The following MRPL58 variants were observed in gnomAD, a reference collection of about 807,000 sequenced individuals.
MRPL58 encodes the protein mitochondrial ribosomal protein L58.
In MRPL58, 17 loss-of-function variants were observed where a neutral mutation model predicts 26.0. The observed-to-expected ratio is 0.65, with a 90% CI of 0.45 to 0.98. The LOEUF (loss-of-function observed/expected upper bound fraction) is 0.98. Ranked by LOEUF, MRPL58 falls within the 50% of genes least tolerant of loss-of-function variation. The pLI is 0.00. For synonymous variants in MRPL58, 100 were observed against 99.7 expected (o/e 1.00, Z -0.02); for missense variants, 250 against 269.0 (o/e 0.93, Z 0.49).
At chr17:75,020,841 G>A (rs958115896) in intron 5 of MRPL58, 80 bp from the exon 6 acceptor site, 48 of 1,301,028 alleles carry the variant, frequency 3.7e-5, no homozygotes, top group Middle Eastern at 1.8e-4. Context: ...TCGGCTTCCC[G>A]TTGAGCTCCC....
At position 75,020,948 on chromosome 17, in the gene MRPL58, G is replaced by A. The variant is rs758158924; in HGVS notation, c.564G>A (p.Leu188=). 1 of 1,613,986 alleles carries A rather than the reference G, an allele frequency of 6.2e-7. No homozygotes were observed. Among genetic ancestry groups the A allele is most frequent in the South Asian group, 1.1e-5 (1 of 91,076 alleles). Reference sequence around the variant, plus strand: ...TAGAAAACATGAATCGGGAAAGGCTGAGACAAAAGAGAATTCATTCTGCTG... The same window carrying A: ...TAGAAAACATGAATCGGGAAAGGCTAAGACAAAAGAGAATTCATTCTGCTG... The part of the protein sequence containing the change: ...IRIENMNRER[L]RQKRIHSAVK... Residue 188 remains leucine (L), a synonymous_variant, in exon 6 of 6, where the codon CTG becomes CTA. Coordinates refer to ENST00000301585, the MANE Select transcript of MRPL58 (RefSeq NM_001545.3).
chr17:75,019,280 C>T (rs777782448), intron 2 of MRPL58, among the ~76,000 whole-genome samples: 1 of 152,102 alleles, frequency 6.6e-6, no homozygotes, highest in African/African-American at 2.4e-5. Context: ...GGCAGTAGCT[C>T]GGTAGTAGCT....
At chr17:75,020,171 A>G (rs906600448) in intron 3 of MRPL58, 142 bp from the exon 4 acceptor site, 9 of 680,322 alleles carry the variant, frequency 1.3e-5, no homozygotes, top group African/African-American at 9.1e-5. Context: ...GGGCTTGTTC[A>G]TAGCCAACTT....
chr17:75,014,504 C>T (rs1343784729), intron 1 of MRPL58, among the ~76,000 whole-genome samples: 130 of 130,046 alleles, frequency 1.0e-3, no homozygotes, highest in Admixed American at 3.0e-3. Flanking sequence ...AGTGCAGTGG[C>T]GTGATCTCAG....
intron 1 of MRPL58, among the ~76,000 whole-genome samples, chr17:75,014,178 CCTTTTTT>C (rs2039955264): frequency 2.4e-5 from 3 of 126,690 alleles, no homozygotes; most frequent in African/African-American, 8.9e-5. Context: ...AAGTCTGGGG[CCTTTTTT>C]TTTTTTTTTT....
At chr17:75,020,290 T>C in intron 3 of MRPL58, 23 bp from the exon 4 acceptor site, 2 of 1,600,416 alleles carry the variant, frequency 1.2e-6, no homozygotes, top group Non-Finnish European at 1.7e-6. Flanking sequence ...GCACCCATGC[T>C]CCCTTCTCCC....
At chr17:75,014,352 ATT>A (rs35954769) in intron 1 of MRPL58, among the ~76,000 whole-genome samples, 11 of 113,274 alleles carry the variant, frequency 9.7e-5, no homozygotes, top group Admixed American at 9.0e-5. Flanking sequence ...CAACCGGCTA[ATT>A]TTTTTTTTTT....
At position 75,020,658 on chromosome 17, in the gene MRPL58, G is replaced by A. The variant is rs1264018720; in HGVS notation, c.536+1G>A. 1 of 1,613,856 alleles carries A rather than the reference G, an allele frequency of 6.2e-7. No homozygotes were observed. Among genetic ancestry groups the A allele is most frequent in the African/African-American group, 1.3e-5 (1 of 75,020 alleles). ...AAGATGTTAAACTTCATAGAATCAGGTACCAGGAAATGCCCTAAGATGCTA... is the reference window on the plus strand; with the variant it reads ...AAGATGTTAAACTTCATAGAATCAGATACCAGGAAATGCCCTAAGATGCTA... On this transcript the variant is annotated splice_donor_variant, in intron 5 of 5. Transcript: ENST00000301585. LOFTEE classifies it high-confidence loss of function.
chr17:75,012,848 C>A lies in MRPL58; in HGVS notation c.162C>A (p.Gly54=). The change falls in exon 1 of 6, where the codon GGC becomes GGA. Residue 54 remains glycine, a synonymous_variant. Coordinates refer to ENST00000301585, the MANE Select transcript of MRPL58 (RefSeq NM_001545.3). The stretch of plus-strand genomic sequence containing the variant: ...ACAAGCTCTACCCCGAATCTCAGGG[C>A]TCGGACACCGCCTGGAGGGTCCCGG... ...SLDKLYPESQ[G]SDTAWRVPNG... 1 of 1,611,834 alleles carries A rather than the reference C, an allele frequency of 6.2e-7. No homozygotes were observed. Among genetic ancestry groups the A allele is most frequent in the Non-Finnish European group, 8.5e-7 (1 of 1,179,434 alleles).
chr17:75,015,687 G>C (rs79030290), intron 1 of MRPL58, among the ~76,000 whole-genome samples: 1 of 152,082 alleles, frequency 6.6e-6, no homozygotes, highest in South Asian at 2.1e-4. Flanking sequence ...CAGGAAGGAG[G>C]GTGTGGCCCA....
At position 75,020,930 on chromosome 17, in the gene MRPL58, C is replaced by G. The variant is rs1481587004; in HGVS notation, c.546C>G (p.Asn182Lys). Residue 182 changes from asparagine to lysine, a missense_variant, in exon 6 of 6, where the codon AAC becomes AAG. Coordinates refer to ENST00000301585, the MANE Select transcript of MRPL58 (RefSeq NM_001545.3). The part of the protein sequence containing the change: ...DVKLHRIRIE[N>K]MNRERLRQKR... ...GTCTTTTTGTTTTCAGGATAGAAAA[C>G]ATGAATCGGGAAAGGCTGAGACAAA... is the stretch of plus-strand genomic sequence containing the variant. 6.2e-7 allele frequency: 1 copy of G among 1,613,332 alleles called. No individual in the cohort carries two copies. Among genetic ancestry groups the G allele is most frequent in the East Asian group, 2.2e-5 (1 of 44,870 alleles).
chr17:75,017,733 G>A (rs2039984203), intron 2 of MRPL58, among the ~76,000 whole-genome samples: 1 of 152,048 alleles, frequency 6.6e-6, no homozygotes, highest in African/African-American at 2.4e-5. Context: ...GGGCAACAGA[G>A]TAAGACTCTG....
intron 1 of MRPL58, among the ~76,000 whole-genome samples, chr17:75,016,249 C>CAA (rs77469669): frequency 0.043 from 5,297 of 121,864 alleles, 125 homozygotes; most frequent in African/African-American, 0.066. Context: ...ACTAAAAATA[C>CAA]AAAAAAAAAA....
Position 75,017,106 on chromosome 17 carries a change from T to A in MRPL58, c.215T>A (p.Ile72Asn), listed in dbSNP as rs372764852. The change falls in exon 2 of 6, where the codon ATC becomes AAC. Residue 72 changes from isoleucine to asparagine, a missense_variant. Transcript: ENST00000301585. ...GGTGCAAAGCAAGCCGACAGTGACA[T>A]CCCTCTAGGTAAGTAATTTTGTTTT... Reference protein sequence around the residue: ...PNGAKQADSDIPLDRLTISYC... With the variant: ...PNGAKQADSDNPLDRLTISYC... 6 of 1,612,146 alleles carry A rather than the reference T, an allele frequency of 3.7e-6. No homozygotes were observed. Among genetic ancestry groups the A allele is most frequent in the African/African-American group, 1.3e-5 (1 of 74,892 alleles).
In MRPL58 at chr17:75,020,954, A is replaced by G. The variant is rs779806488; in HGVS notation, c.570A>G (p.Gln190=). ...IENMNRERLR[Q]KRIHSAVKTS... is the part of the protein sequence containing the mutation. ...ACATGAATCGGGAAAGGCTGAGACA[A>G]AAGAGAATTCATTCTGCTGTAAAGA... The change falls in exon 6 of 6, where the codon CAA becomes CAG. Residue 190 remains glutamine, a synonymous_variant. Transcript: ENST00000301585. 1.2e-5 allele frequency: 19 copies of G among 1,613,950 alleles called. No individual in the cohort carries two copies. The highest frequency in any genetic ancestry group is 1.2e-5 in the Non-Finnish European group (14 of 1,179,928).
chr17:75,015,849 C>T (rs935614856), intron 1 of MRPL58, among the ~76,000 whole-genome samples: 1 of 151,782 alleles, frequency 6.6e-6, no homozygotes, highest in African/African-American at 2.4e-5. Context: ...GTGCAGTGTC[C>T]TGATCTCAGC....
At chr17:75,015,399 G>A (rs1459730540) in intron 1 of MRPL58, among the ~76,000 whole-genome samples, 3 of 152,122 alleles carry the variant, frequency 2.0e-5, no homozygotes, top group South Asian at 2.1e-4. Flanking sequence ...CAGGAGAATC[G>A]CTTGAACCCA....
chr17:75,017,173 C>G, intron 2 of MRPL58, 59 bp downstream of exon 2: 2 of 1,310,514 alleles, frequency 1.5e-6, no homozygotes, highest in South Asian at 2.4e-5. Flanking sequence ...TGCCTGTAAT[C>G]CCAGTTACTT....
At chr17:75,014,166 T>G (rs936619151) in intron 1 of MRPL58, among the ~76,000 whole-genome samples, 2 of 148,900 alleles carry the variant, frequency 1.3e-5, no homozygotes, top group East Asian at 2.0e-4. Flanking sequence ...AAAGAGGAAT[T>G]GAAGTCTGGG....
Sources: gnomAD v4.1 joint callset for allele counts (sites outside exome capture counted in the v4.1 genomes callset) on GRCh38, gnomAD v4.1.1 for gene constraint, MANE v1.5 for transcripts, NCBI Gene and HGNC (gene_info 2026-07-23, HGNC 2026-07-21) for gene names.